TNIK: variants seen among roughly 807,000 people sequenced by gnomAD.
The protein encoded by TNIK is TRAF2 and NCK interacting kinase.
Under a neutral mutation model 191.3 loss-of-function variants are expected in TNIK, and 49 were observed. The ratio of observed to expected loss-of-function variants is 0.26; its 90% CI spans 0.20 to 0.32. The LOEUF (loss-of-function observed/expected upper bound fraction) is 0.32, where lower values mean the gene tolerates loss of function less well. Ranked by LOEUF, TNIK falls within the 10% of genes least tolerant of loss-of-function variation. The probability of loss-of-function intolerance (pLI) is 1.00; values close to 1 mark genes in which losing one functional copy is unlikely to be tolerated. For missense variants in TNIK, 1,155 were observed against 1,702.3 expected (o/e 0.68, Z 5.66); for synonymous variants, 594 against 600.9 (o/e 0.99, Z 0.17).
intron 28 of TNIK, 58 bp from the exon 29 acceptor site, chr3:171,071,381 T>C: frequency 8.3e-7 from 1 of 1,207,650 alleles, no homozygotes; most frequent in African/African-American, 1.5e-5. Flanking sequence ...TTCTTTGTAT[T>C]AATATTAATG....
At chr3:171,224,744 C>T (rs1501607) in intron 3 of TNIK, among the ~76,000 whole-genome samples, 40,683 of 151,776 alleles carry the variant, frequency 0.27, 5,877 homozygotes, top group Middle Eastern at 0.43. Flanking sequence ...TCCTAGATGC[C>T]GTAGGTCAAT....
chr3:171,265,780 G>C (rs1422488769), intron 2 of TNIK, among the ~76,000 whole-genome samples: 1 of 152,234 alleles, frequency 6.6e-6, no homozygotes, highest in African/African-American at 2.4e-5. Flanking sequence ...ATCTTAAAAA[G>C]AGACTGGACA....
At chr3:171,396,127 C>G (rs527608922) in intron 1 of TNIK, among the ~76,000 whole-genome samples, 154 of 152,228 alleles carry the variant, frequency 1.0e-3, no homozygotes, top group African/African-American at 3.5e-3. Context: ...CACTGCCCCC[C>G]CAACCCTAAG....
intron 1 of TNIK, among the ~76,000 whole-genome samples, chr3:171,438,609 C>A (rs1234741126): frequency 4.6e-5 from 7 of 152,196 alleles, no homozygotes; most frequent in Non-Finnish European, 7.3e-5. Context: ...ACAAATCATT[C>A]TGAAGCAAAA....
At chr3:171,076,865 A>G (rs1720027497) in intron 28 of TNIK, among the ~76,000 whole-genome samples, 1 of 151,784 alleles carries the variant, frequency 6.6e-6, no homozygotes, top group Non-Finnish European at 1.5e-5. Context: ...CTGACTTTGT[A>G]GTATGGAAAG....
intron 2 of TNIK, among the ~76,000 whole-genome samples, chr3:171,272,689 T>TA (rs397976939): frequency 9.2e-5 from 14 of 152,126 alleles, no homozygotes; most frequent in African/African-American, 2.9e-4. Context: ...TGATTTTTTT[T>TA]ATTTCAATCT....
rs1480642708 is a variant in TNIK at position 171,459,887 on chromosome 3, C to T, written c.57+120G>A. On this transcript the variant is annotated intron_variant, in intron 1 of 32. Coordinates refer to ENST00000436636, the MANE Select transcript of TNIK (RefSeq NM_015028.4). ...GAATCAAAACGGGAATCCAGGTTCC[C>T]TCCCCGACGCATTCTCCCGCTGCTG... The T allele has an allele frequency of 5.5e-6, 7 of 1,270,300 alleles. No homozygotes were observed. In the African/African-American group the frequency reaches 8.9e-5, roughly 16 times the overall value. The allele number at this position is 1,270,300 out of a possible 1,614,324, so 78.7% of individuals were successfully genotyped here.
At chr3:171,133,355 TG>T (rs1445450934) in intron 15 of TNIK, among the ~76,000 whole-genome samples, 1 of 152,220 alleles carries the variant, frequency 6.6e-6, no homozygotes, top group Non-Finnish European at 1.5e-5. Flanking sequence ...GCGACGCCAG[TG>T]AATTGGTCAT....
intron 28 of TNIK, among the ~76,000 whole-genome samples, chr3:171,077,988 T>A (rs1397999657): frequency 6.6e-6 from 1 of 152,182 alleles, no homozygotes; most frequent in Non-Finnish European, 1.5e-5. Context: ...TGCTGTATTG[T>A]CTTTTAAGCT....
At chr3:171,250,789 T>C (rs1185617335) in intron 2 of TNIK, among the ~76,000 whole-genome samples, 1 of 152,232 alleles carries the variant, frequency 6.6e-6, no homozygotes, top group Non-Finnish European at 1.5e-5. Flanking sequence ...TTGTAAACCA[T>C]ATAGTGCTCT....
intron 7 of TNIK, among the ~76,000 whole-genome samples, chr3:171,179,510 G>A (rs1736386986): frequency 6.6e-6 from 1 of 151,946 alleles, no homozygotes; most frequent in Admixed American, 6.5e-5. Flanking sequence ...GGAGTGCAGT[G>A]GTGCAATCTT....
intron 18 of TNIK, among the ~76,000 whole-genome samples, chr3:171,117,894 T>C (rs1727003587): frequency 6.6e-6 from 1 of 151,964 alleles, no homozygotes; most frequent in Non-Finnish European, 1.5e-5. Context: ...CGCCTGAACC[T>C]GGGAGGTGGA....
chr3:171,122,403 G>A (rs1727878390), intron 18 of TNIK, among the ~76,000 whole-genome samples: 2 of 152,138 alleles, frequency 1.3e-5, no homozygotes, highest in Non-Finnish European at 2.9e-5. Context: ...GTCTTCCTCA[G>A]TGCTGCTTAG....
At position 171,101,502 on chromosome 3, in the gene TNIK, T is replaced by C. The variant is rs762988515; in HGVS notation, c.2538A>G (p.Gly846=). ...SESSEEEEED[G]ESETHDGTVA... ...CTGTCCCATCATGGGTCTCGCTCTC[T>C]CCATCTTCCTCCTCTTCCTCGCTAC... The change falls in exon 22 of 33, where the codon GGA becomes GGG. Residue 846 remains glycine, a synonymous_variant. Coordinates refer to ENST00000436636, the MANE Select transcript of TNIK (RefSeq NM_015028.4). The C allele has an allele frequency of 1.9e-6, 3 of 1,613,570 alleles. No individual in the cohort carries two copies. The highest frequency in any genetic ancestry group is 1.7e-4 in the Middle Eastern group (1 of 6,052).
intron 2 of TNIK, among the ~76,000 whole-genome samples, chr3:171,324,028 T>C (rs1755469985): frequency 6.6e-6 from 1 of 152,104 alleles, no homozygotes; most frequent in Admixed American, 6.5e-5. Flanking sequence ...AAATATCCAT[T>C]GGCATTTTAA....
chr3:171,294,613 C>T (rs561740004), intron 2 of TNIK, among the ~76,000 whole-genome samples: 3 of 152,056 alleles, frequency 2.0e-5, no homozygotes, highest in African/African-American at 4.8e-5. Context: ...CCCAACTACT[C>T]AGGAGGCTGA....
intron 2 of TNIK, among the ~76,000 whole-genome samples, chr3:171,241,300 G>C (rs896962586): frequency 8.5e-5 from 13 of 152,110 alleles, no homozygotes; most frequent in African/African-American, 3.1e-4. Flanking sequence ...AAAGTGCTGG[G>C]ATTACAGCAC....
chr3:171,222,048 A>G (rs1340416110), intron 3 of TNIK, among the ~76,000 whole-genome samples: 1 of 152,182 alleles, frequency 6.6e-6, no homozygotes, highest in East Asian at 1.9e-4. Flanking sequence ...ATCCCATTTA[A>G]GTCCCAAAAC....
intron 7 of TNIK, among the ~76,000 whole-genome samples, chr3:171,187,937 A>T (rs1445740240): frequency 6.6e-6 from 1 of 152,172 alleles, no homozygotes; most frequent in African/African-American, 2.4e-5. Context: ...CAGTTCCTAG[A>T]TCCCATTGCC....
Sources: gnomAD v4.1 joint callset for allele counts (sites outside exome capture counted in the v4.1 genomes callset) on GRCh38, gnomAD v4.1.1 for gene constraint, MANE v1.5 for transcripts, NCBI Gene and HGNC (gene_info 2026-07-23, HGNC 2026-07-21) for gene names.